The following GRID2IP variants were observed in gnomAD, a reference collection of about 807,000 sequenced individuals.
GRID2IP encodes the protein delphilin.
A neutral mutation model predicts 114.3 loss-of-function variants in GRID2IP; 78 were observed. The ratio of observed to expected loss-of-function variants is 0.68; its 90% CI spans 0.57 to 0.82. The LOEUF (loss-of-function observed/expected upper bound fraction) is 0.82, where lower values mean the gene tolerates loss of function less well. GRID2IP is among the 40% of genes least tolerant of loss of function. The probability of loss-of-function intolerance (pLI) is 0.00; values close to 1 mark genes in which losing one functional copy is unlikely to be tolerated. For missense variants in GRID2IP, 1,727 were observed against 1,678.5 expected (o/e 1.03, Z -0.51); for synonymous variants, 809 against 724.0 (o/e 1.12, Z -1.89).
intron 1 of GRID2IP, among the ~76,000 whole-genome samples, chr7:6,545,293 T>G (rs1779871084): frequency 1.3e-5 from 2 of 151,940 alleles, no homozygotes; most frequent in South Asian, 4.2e-4. Flanking sequence ...AATAAATAAA[T>G]AAAAGACAAT....
At chr7:6,539,953 C>G (rs918479668) in intron 1 of GRID2IP, 81 bp from the exon 2 acceptor site, 10 of 1,307,002 alleles carry the variant, frequency 7.7e-6, no homozygotes, top group Non-Finnish European at 1.1e-5. Context: ...TCCTTTCCTC[C>G]CTCAGTTTAC....
At chr7:6,540,918 C>T (rs1475154921) in intron 1 of GRID2IP, among the ~76,000 whole-genome samples, 1 of 152,022 alleles carries the variant, frequency 6.6e-6, no homozygotes, top group African/African-American at 2.4e-5. Context: ...CTTACTGCAG[C>T]TTCCACCTCC....
intron 8 of GRID2IP, among the ~76,000 whole-genome samples, chr7:6,511,648 C>T (rs1298563693): frequency 6.6e-6 from 1 of 152,108 alleles, no homozygotes; most frequent in Non-Finnish European, 1.5e-5. Context: ...GCTGGGATTA[C>T]AGGTGTGAGC....
chr7:6,528,117 A>T lies in GRID2IP; in HGVS notation c.585-1348T>A, dbSNP rs1779551371. 6.6e-6 allele frequency among the ~76,000 whole-genome samples: 1 copy of T among 151,704 alleles called. No individual in the cohort carries two copies. Among genetic ancestry groups the T allele is most frequent in the African/African-American group, 2.4e-5 (1 of 41,254 alleles). ...GCTCTATGTTGCCCAGGCTGGTCTC[A>T]AACTCCTTGGCTCAAGTGATACTCC... On this transcript the variant is annotated intron_variant, in intron 2 of 21. Coordinates refer to ENST00000457091, the MANE Select transcript of GRID2IP (RefSeq NM_001145118.2). The surrounding 1 kb of genome is among the most constrained non-coding windows in gnomAD (Gnocchi z 6.0).
intron 4 of GRID2IP, among the ~76,000 whole-genome samples, chr7:6,525,615 C>T (rs949203629): frequency 1.3e-5 from 2 of 152,088 alleles, no homozygotes; most frequent in Non-Finnish European, 2.9e-5. Flanking sequence ...GCCTGGGTGA[C>T]AGAGCGAGAC....
At chr7:6,543,269 C>T (rs36100194) in intron 1 of GRID2IP, among the ~76,000 whole-genome samples, 51,234 of 151,854 alleles carry the variant, frequency 0.34, 10,601 homozygotes, top group Non-Finnish European at 0.48. Context: ...TGATGGCAAA[C>T]GCCTGTAATC....
chr7:6,505,917 AGGAT>A lies in GRID2IP; in HGVS notation c.2545-14_2545-11del. 6.5e-7 allele frequency: 1 copy of A among 1,541,860 alleles called. No homozygotes were observed. The highest frequency in any genetic ancestry group is 8.8e-7 in the Non-Finnish European group (1 of 1,138,266). ...CAGAGTCTTCCCCGAGCTGCGAGGG[AGGAT>A]GGGAGGTTCAGAGTAGGAGGAGCAG... On this transcript the variant is annotated splice_polypyrimidine_tract_variant and intron_variant, in intron 13 of 21. Transcript: ENST00000457091.
In GRID2IP at chr7:6,521,645, T is replaced by C; in HGVS notation, c.990-122A>G. Reference sequence around the variant, plus strand: ...GCAAGACCACCTCTGTGTGACTCTGTGTCCCCAGCATGGAGCTGGAGTATT... The same window carrying C: ...GCAAGACCACCTCTGTGTGACTCTGCGTCCCCAGCATGGAGCTGGAGTATT... On this transcript the variant is annotated intron_variant, in intron 5 of 21. Transcript: ENST00000457091. The surrounding 1 kb of genome is among the most constrained non-coding windows in gnomAD (Gnocchi z 4.1). 1 of 725,460 alleles carries C rather than the reference T, an allele frequency of 1.4e-6. No individual in the cohort carries two copies. Among genetic ancestry groups the C allele is most frequent in the Non-Finnish European group, 2.3e-6 (1 of 434,642 alleles). 44.9% of individuals were successfully genotyped at this position (725,460 alleles called of 1,614,324 possible).
rs1257458613 is a variant in GRID2IP at position 6,539,825 on chromosome 7, G to A, written c.477C>T (p.Phe159=). The change falls in exon 2 of 22, where the codon TTC becomes TTT. Residue 159 remains phenylalanine, a synonymous_variant. Coordinates refer to ENST00000457091, the MANE Select transcript of GRID2IP (RefSeq NM_001145118.2). ...GDQPTAKEQV[F]AALKQFAAEQ... The stretch of plus-strand genomic sequence containing the variant: ...CAGCTGCAAACTGCTTCAGTGCAGC[G>A]AACACCTGCTCCTTGGCAGTTGGCT... The A allele has an allele frequency of 1.3e-5, 20 of 1,551,050 alleles. No individual in the cohort carries two copies. Among genetic ancestry groups the A allele is most frequent in the East Asian group, 2.4e-5 (1 of 40,916 alleles).
chr7:6,513,844 A>G (rs766629530), intron 8 of GRID2IP, among the ~76,000 whole-genome samples: 6 of 146,038 alleles, frequency 4.1e-5, no homozygotes, highest in Non-Finnish European at 9.0e-5. Context: ...GTGCTTTGGG[A>G]GGCCGGAGTG....
chr7:6,538,209 T>C (rs1462372532), intron 2 of GRID2IP, among the ~76,000 whole-genome samples: 1 of 151,420 alleles, frequency 6.6e-6, no homozygotes, highest in Non-Finnish European at 1.5e-5. Context: ...TCTAAAAAAA[T>C]ACAAAAATTA....
intron 9 of GRID2IP, 92 bp downstream of exon 9, chr7:6,510,816 C>G: frequency 2.0e-6 from 3 of 1,480,502 alleles, no homozygotes; most frequent in Non-Finnish European, 2.7e-6. Flanking sequence ...CCTGCTTAGC[C>G]CCATTCCCTG....
In GRID2IP at chr7:6,507,890, G is replaced by A; in HGVS notation, c.2544+95C>T. The A allele has an allele frequency of 6.7e-7, 1 of 1,497,284 alleles. No homozygotes were observed. The highest frequency in any genetic ancestry group is 1.3e-5 in the South Asian group (1 of 75,098). 92.7% of individuals were successfully genotyped at this position (1,497,284 alleles called of 1,614,324 possible). On this transcript the variant is annotated intron_variant, in intron 13 of 21. Coordinates refer to ENST00000457091, the MANE Select transcript of GRID2IP (RefSeq NM_001145118.2). The surrounding 1 kb of genome is among the most constrained non-coding windows in gnomAD (Gnocchi z 5.3). ...CTCTGCTTGGGGTAGGGAGGATGAT[G>A]TTGGAAGATGCCTGGCCGATGGGTT...
rs1786627625 is a variant in GRID2IP, at chr7:6,507,422, G to C, written c.2544+563C>G. Among the ~76,000 whole-genome samples the C allele has an allele frequency of 6.6e-6, 1 of 151,758 alleles. No homozygotes were observed. Among genetic ancestry groups the C allele is most frequent in the Non-Finnish European group, 1.5e-5 (1 of 67,980 alleles). ...TGGGGTGAACCTTGTTCATCTTGCA[G>C]ATTGGTTGGTCTGTGGATAAGATTG... On this transcript the variant is annotated intron_variant, in intron 13 of 21. Coordinates refer to ENST00000457091, the MANE Select transcript of GRID2IP (RefSeq NM_001145118.2). The surrounding 1 kb of genome is among the most constrained non-coding windows in gnomAD (Gnocchi z 5.3).
At chr7:6,550,814 C>A (rs1182001472) in intron 1 of GRID2IP, among the ~76,000 whole-genome samples, 194 bp downstream of exon 1, 1 of 151,230 alleles carries the variant, frequency 6.6e-6, no homozygotes, top group Non-Finnish European at 1.5e-5. Flanking sequence ...GGTGACAGAG[C>A]GAGACTCTGT....
intron 20 of GRID2IP, 115 bp downstream of exon 20, chr7:6,501,666 T>C: frequency 1.3e-6 from 1 of 748,476 alleles, no homozygotes; most frequent in Non-Finnish European, 2.3e-6. Flanking sequence ...CAGCAACCTG[T>C]GTCCAGAATC....
Position 6,497,770 on chromosome 7 carries a change from A to G in GRID2IP, c.*4T>C. 1.3e-6 allele frequency: 2 copies of G among 1,548,080 alleles called. No homozygotes were observed. Among genetic ancestry groups the G allele is most frequent in the Non-Finnish European group, 1.7e-6 (2 of 1,145,194 alleles). On this transcript the variant is annotated 3_prime_UTR_variant, in exon 22 of 22. Transcript: ENST00000457091. ...AGGCCGCAGAGGACGCGGTGTGGCC[A>G]CTGTCACCAGGCCAGGGGTGAAACC...
At position 6,534,013 on chromosome 7, in the gene GRID2IP, G is replaced by A. The variant is rs1291206492; in HGVS notation, c.584+5705C>T. ...CTGAAGCAGAAGAGGGTGACGGGGT[G>A]CAGATAGTCCCTCACAGGCCACCCT... On this transcript the variant is annotated intron_variant, in intron 2 of 21. Coordinates refer to ENST00000457091, the MANE Select transcript of GRID2IP (RefSeq NM_001145118.2). The surrounding 1 kb of genome is among the most constrained non-coding windows in gnomAD (Gnocchi z 4.5). Among the ~76,000 whole-genome samples, 2 of 152,094 alleles carry A rather than the reference G, an allele frequency of 1.3e-5. No homozygotes were observed. Among genetic ancestry groups the A allele is most frequent in the Admixed American group, 6.6e-5 (1 of 15,234 alleles).
intron 20 of GRID2IP, among the ~76,000 whole-genome samples, chr7:6,499,658 T>C (rs1786358639): frequency 6.6e-6 from 1 of 152,170 alleles, no homozygotes. Flanking sequence ...CCCAAACTCC[T>C]GACCTCAGGT....
Sources: gnomAD v4.1 joint callset for allele counts (sites outside exome capture counted in the v4.1 genomes callset) on GRCh38, gnomAD v4.1.1 for gene constraint, Gnocchi (gnomAD v3.1) non-coding constraint, MANE v1.5 for transcripts, NCBI Gene and HGNC (gene_info 2026-07-23, HGNC 2026-07-21) for gene names.